GSK3B: variants seen among roughly 807,000 people sequenced by gnomAD.
The protein encoded by GSK3B is glycogen synthase kinase-3 beta.
GSK3B carries 15 observed loss-of-function variants against 56.4 expected under a neutral mutation model. The observed-to-expected ratio is 0.27, with a 90% CI of 0.18 to 0.41. The LOEUF (loss-of-function observed/expected upper bound fraction) is 0.41, where lower values mean the gene tolerates loss of function less well. Ranked by LOEUF, GSK3B falls within the 10% of genes least tolerant of loss-of-function variation. The pLI is 1.00. For synonymous variants in GSK3B, 181 were observed against 188.9 expected (o/e 0.96, Z 0.34); for missense variants, 300 against 513.4 (o/e 0.58, Z 4.02).
chr3:119,972,416 T>C (rs527911872), intron 2 of GSK3B, among the ~76,000 whole-genome samples: 39 of 152,146 alleles, frequency 2.6e-4, no homozygotes, highest in African/African-American at 9.2e-4. Context: ...AAAAAGATAA[T>C]TTTTATCTAT....
chr3:119,990,162 C>T (rs575268591), intron 2 of GSK3B, among the ~76,000 whole-genome samples: 4 of 152,194 alleles, frequency 2.6e-5, no homozygotes, highest in South Asian at 2.1e-4. Flanking sequence ...ATGCTAGCCC[C>T]GAAATAAACC....
chr3:120,026,553 A>AC (rs368421607), intron 1 of GSK3B, among the ~76,000 whole-genome samples: 3,574 of 132,930 alleles, frequency 0.027, 53 homozygotes, highest in East Asian at 0.071. Flanking sequence ...ACACACACAC[A>AC]AACACACACA....
At chr3:119,985,828 A>G (rs923466346) in intron 2 of GSK3B, among the ~76,000 whole-genome samples, 1 of 152,222 alleles carries the variant, frequency 6.6e-6, no homozygotes, top group Non-Finnish European at 1.5e-5. Context: ...GAATTGGAAA[A>G]AACTACTTTA....
intron 2 of GSK3B, among the ~76,000 whole-genome samples, chr3:119,962,251 T>C (rs2057279113): frequency 6.6e-6 from 1 of 151,962 alleles, no homozygotes; most frequent in Non-Finnish European, 1.5e-5. Context: ...GGTGCATACC[T>C]GTAATCCCAG....
At chr3:119,996,975 T>C (rs146440652) in intron 2 of GSK3B, among the ~76,000 whole-genome samples, 18 of 152,264 alleles carry the variant, frequency 1.2e-4, no homozygotes, top group South Asian at 4.1e-4. Flanking sequence ...AATATTATCA[T>C]GTTTATATAT....
At chr3:119,826,897 A>G (rs201432964) in intron 10 of GSK3B, 42 bp from the exon 11 acceptor site, 22 of 1,220,942 alleles carry the variant, frequency 1.8e-5, no homozygotes, top group Admixed American at 1.7e-4. Context: ...GAGCAATGCT[A>G]TAACAACAAA....
intron 1 of GSK3B, among the ~76,000 whole-genome samples, chr3:120,021,067 G>A: frequency 6.6e-6 from 1 of 152,178 alleles, no homozygotes; most frequent in East Asian, 1.9e-4. Flanking sequence ...GAAGCTAGCA[G>A]AGGAAAGATG....
At chr3:119,898,336 G>A (rs1321920853) in intron 7 of GSK3B, among the ~76,000 whole-genome samples, 1 of 152,126 alleles carries the variant, frequency 6.6e-6, no homozygotes, top group Non-Finnish European at 1.5e-5. Context: ...GGGACTGTCT[G>A]TAACTGAAAG....
chr3:120,092,056 ATTAAT>A (rs2058517153), intron 1 of GSK3B, among the ~76,000 whole-genome samples: 1 of 152,186 alleles, frequency 6.6e-6, no homozygotes, highest in South Asian at 2.1e-4. Context: ...TAGGCAACAA[ATTAAT>A]TTGTCTTTGC....
At chr3:119,948,059 T>C (rs2057117543) in intron 2 of GSK3B, among the ~76,000 whole-genome samples, 1 of 152,192 alleles carries the variant, frequency 6.6e-6, no homozygotes, top group African/African-American at 2.4e-5. Context: ...GACTAGACTG[T>C]ACATTAACAA....
intron 2 of GSK3B, among the ~76,000 whole-genome samples, chr3:119,969,310 A>G (rs868383068): frequency 6.6e-6 from 1 of 151,914 alleles, no homozygotes; most frequent in Admixed American, 6.6e-5. Flanking sequence ...AAAAAAATCT[A>G]TATGATGAAA....
intron 9 of GSK3B, among the ~76,000 whole-genome samples, chr3:119,861,253 G>A (rs753841660): frequency 8.5e-5 from 13 of 152,154 alleles, no homozygotes; most frequent in East Asian, 1.9e-4. Context: ...GCTCATGCCT[G>A]TAATCCCAGC....
At chr3:119,970,573 C>A (rs2057355838) in intron 2 of GSK3B, among the ~76,000 whole-genome samples, 1 of 148,572 alleles carries the variant, frequency 6.7e-6, no homozygotes, top group Non-Finnish European at 1.5e-5. Context: ...AGTTTGAGAC[C>A]AGCCTGGCCA....
At chr3:119,920,606 CTG>C (rs1251300831) in intron 4 of GSK3B, among the ~76,000 whole-genome samples, 1 of 152,156 alleles carries the variant, frequency 6.6e-6, no homozygotes, top group African/African-American at 2.4e-5. Flanking sequence ...ATGGGTAAAA[CTG>C]AGCTGTGCTT....
intron 10 of GSK3B, among the ~76,000 whole-genome samples, chr3:119,839,644 A>G (rs2055742107): frequency 6.6e-6 from 1 of 152,184 alleles, no homozygotes. Flanking sequence ...TATTTTAGTG[A>G]TGTAAGGTCA....
intron 9 of GSK3B, among the ~76,000 whole-genome samples, chr3:119,857,949 G>C (rs778048996): frequency 6.6e-6 from 1 of 152,086 alleles, no homozygotes; most frequent in Non-Finnish European, 1.5e-5. Flanking sequence ...TGGATGACTA[G>C]ATACATTGTC....
intron 1 of GSK3B, among the ~76,000 whole-genome samples, chr3:120,010,319 T>A (rs2057767361): frequency 6.6e-6 from 1 of 152,166 alleles, no homozygotes; most frequent in African/African-American, 2.4e-5. Context: ...CATAAGTTAT[T>A]CTCTCCCTCA....
intron 5 of GSK3B, among the ~76,000 whole-genome samples, chr3:119,915,770 A>G (rs756335067): frequency 1.1e-4 from 16 of 152,158 alleles, no homozygotes; most frequent in Non-Finnish European, 2.2e-4. Context: ...GCTTATAAAC[A>G]ATGCTATAAT....
At chr3:120,009,547 C>T (rs765165892) in intron 1 of GSK3B, among the ~76,000 whole-genome samples, 10 of 152,052 alleles carry the variant, frequency 6.6e-5, no homozygotes, top group Non-Finnish European at 1.2e-4. Flanking sequence ...ATGGATGAAG[C>T]TGGAAACCAT....
Sources: allele counts gnomAD v4.1 joint callset (sites outside exome capture counted in the v4.1 genomes callset), GRCh38; gene constraint gnomAD v4.1.1; transcripts MANE v1.5; gene names NCBI Gene and HGNC (gene_info 2026-07-23, HGNC 2026-07-21).